The following CLEC2D variants were observed in gnomAD, a reference collection of about 807,000 sequenced individuals.
The protein encoded by CLEC2D is C-type lectin domain family 2 member D, also known as C-type lectin related f.
In CLEC2D, 16 loss-of-function variants were observed where a neutral mutation model predicts 20.0. That is an observed-to-expected ratio of 0.80 (90% CI 0.54 to 1.22). The LOEUF is 1.22. Among genes scored for constraint, CLEC2D ranks in the 50% most tolerant of loss-of-function variants. The pLI, the probability that CLEC2D is intolerant of heterozygous loss-of-function variation, is 0.00. For missense variants in CLEC2D, 207 were observed against 221.5 expected (o/e 0.93, Z 0.42); for synonymous variants, 77 against 71.1 (o/e 1.08, Z -0.42).
Position 9,697,705 on chromosome 12 carries a change from C to T in CLEC2D, c.*2831C>T, listed in dbSNP as rs758157652. The stretch of plus-strand genomic sequence containing the variant: ...AGAAAAAAAATGTTGCATGATCTCA[C>T]TTATAGTGAAACTTAAAAAAAAAAC... On this transcript the variant is annotated 3_prime_UTR_variant, in exon 5 of 5. Transcript: ENST00000290855. 21 of 123,040 alleles carry T rather than the reference C, an allele frequency of 1.7e-4. No homozygotes were observed. The highest frequency in any genetic ancestry group is 5.9e-4 in the African/African-American group (18 of 30,342). 7.6% of individuals were successfully genotyped at this position (123,040 alleles called of 1,614,324 possible). A position where few individuals can be genotyped will look rare whatever the true frequency, so the allele number is the denominator to read the frequency against.
intron 2 of CLEC2D, among the ~76,000 whole-genome samples, chr12:9,684,647 T>A (rs1419962660): frequency 6.6e-6 from 1 of 152,220 alleles, no homozygotes; most frequent in Admixed American, 6.5e-5. Flanking sequence ...ATCATGTGGT[T>A]TTTGTCATTG....
Position 9,696,548 on chromosome 12 carries a change from TAAAAA to T in CLEC2D, c.*1685_*1689del, listed in dbSNP as rs56394007. The T allele has an allele frequency of 6.6e-6, 1 of 152,274 alleles. No homozygotes were observed. Among genetic ancestry groups the T allele is most frequent in the Non-Finnish European group, 1.4e-5 (1 of 71,860 alleles). 9.4% of individuals were successfully genotyped at this position (152,274 alleles called of 1,614,324 possible). A position where few individuals can be genotyped will look rare whatever the true frequency, so the allele number is the denominator to read the frequency against. On this transcript the variant is annotated 3_prime_UTR_variant, in exon 5 of 5. Transcript: ENST00000290855. ...AATAAAACTCAGTATTTTAATAAAGTAAAAAAAAAAAAAAAGGTATGGGGAAAACT... is the reference window on the plus strand; with the variant it reads ...AATAAAACTCAGTATTTTAATAAAGTAAAAAAAAAAGGTATGGGGAAAACT...
Position 9,695,827 on chromosome 12 carries a change from C to T in CLEC2D, c.*953C>T. 2 of 1,155,736 alleles carry T rather than the reference C, an allele frequency of 1.7e-6. No individual in the cohort carries two copies. The highest frequency in any genetic ancestry group is 2.4e-5 in the South Asian group (2 of 81,778). The allele number at this position is 1,155,736 out of a possible 1,614,324, so 71.6% of individuals were successfully genotyped here. A position where few individuals can be genotyped will look rare whatever the true frequency, so the allele number is the denominator to read the frequency against. ...AAAGCAGTCTGCCCCTGGAGGTGGG[C>T]AGAAAAAAGTAAAACTTGCTGCTGC... On this transcript the variant is annotated 3_prime_UTR_variant, in exon 5 of 5. Coordinates refer to ENST00000290855, the MANE Select transcript of CLEC2D (RefSeq NM_013269.6).
rs749094486 is a variant in CLEC2D, at chr12:9,696,081, A to G, written c.*1207A>G. ...CACCAAAAGGATCTAGTTCTGTAGA[A>G]GACATTAAAGCAAAAATGCAAGCAA... On this transcript the variant is annotated 3_prime_UTR_variant, in exon 5 of 5. Coordinates refer to ENST00000290855, the MANE Select transcript of CLEC2D (RefSeq NM_013269.6). 14 of 1,165,870 alleles carry G rather than the reference A, an allele frequency of 1.2e-5. No homozygotes were observed. The East Asian group carries it at 2.3e-4, about 19-fold the overall frequency. The allele number at this position is 1,165,870 out of a possible 1,614,324, so 72.2% of individuals were successfully genotyped here. A position where few individuals can be genotyped will look rare whatever the true frequency, so the allele number is the denominator to read the frequency against.
At chr12:9,670,474 T>C (rs981131095) in intron 1 of CLEC2D, among the ~76,000 whole-genome samples, 1 of 152,226 alleles carries the variant, frequency 6.6e-6, no homozygotes, top group Non-Finnish European at 1.5e-5. Context: ...TGTTGTTAAA[T>C]GACTTCATTT....
Position 9,687,883 on chromosome 12 carries a change from A to G in CLEC2D, c.173-19A>G. ...AAAGTAAGAAATTTTTATTTTATTT[A>G]TTTTTATTTTATTTTCAGCAATAAG... On this transcript the variant is annotated intron_variant, in intron 2 of 4. Transcript: ENST00000290855. 1.4e-6 allele frequency: 2 copies of G among 1,442,654 alleles called. No homozygotes were observed. Among genetic ancestry groups the G allele is most frequent in the South Asian group, 1.5e-5 (1 of 65,634 alleles). The allele number at this position is 1,442,654 out of a possible 1,614,324, so 89.4% of individuals were successfully genotyped here.
chr12:9,686,175 C>T (rs1390227043), intron 2 of CLEC2D, among the ~76,000 whole-genome samples: 1 of 151,780 alleles, frequency 6.6e-6, no homozygotes, highest in Non-Finnish European at 1.5e-5. Context: ...CTGTGGGCTG[C>T]ACCCACTTGT....
In CLEC2D at chr12:9,695,735, C is replaced by T; in HGVS notation, c.*861C>T. On this transcript the variant is annotated 3_prime_UTR_variant, in exon 5 of 5. Transcript: ENST00000290855. ...CATATTAGTGGACAGCACTTAGTAG[C>T]TGTGAAGGAAGGTGCAGAGTCAGAA... 6.8e-7 allele frequency: 1 copy of T among 1,468,106 alleles called. No individual in the cohort carries two copies. Among genetic ancestry groups the T allele is most frequent in the East Asian group, 2.3e-5 (1 of 44,142 alleles). 90.9% of individuals were successfully genotyped at this position (1,468,106 alleles called of 1,614,324 possible). A position where few individuals can be genotyped will look rare whatever the true frequency, so the allele number is the denominator to read the frequency against.
chr12:9,688,309 A>G, intron 3 of CLEC2D: 2 of 826,422 alleles, frequency 2.4e-6, no homozygotes, highest in Non-Finnish European at 3.2e-6. Flanking sequence ...CCAGAGGGCA[A>G]GCAAGCCAGA....
At chr12:9,682,331 T>C in intron 2 of CLEC2D, among the ~76,000 whole-genome samples, 1 of 152,226 alleles carries the variant, frequency 6.6e-6, no homozygotes, top group East Asian at 1.9e-4. Flanking sequence ...GTTATAAAAA[T>C]TCCTAATAGA....
rs774463106 is a variant in CLEC2D at position 9,690,580 on chromosome 12, T to C, written c.358-2248T>C. Among the ~76,000 whole-genome samples, 12 of 152,188 alleles carry C rather than the reference T, an allele frequency of 7.9e-5. 1 individual carries two copies. Among genetic ancestry groups the C allele is most frequent in the Admixed American group, 7.8e-4 (12 of 15,288 alleles). ...ATAAAAATTATAAATATGATAGTGG[T>C]CATATAATGTATAAAGATGCAATCT... On this transcript the variant is annotated intron_variant, in intron 3 of 4. Coordinates refer to ENST00000290855, the MANE Select transcript of CLEC2D (RefSeq NM_013269.6).
At chr12:9,676,722 C>T (rs1865526465) in intron 1 of CLEC2D, among the ~76,000 whole-genome samples, 1 of 152,138 alleles carries the variant, frequency 6.6e-6, no homozygotes, top group African/African-American at 2.4e-5. Flanking sequence ...GCTCTAACTT[C>T]TAAAACAAAT....
At position 9,696,546 on chromosome 12, in the gene CLEC2D, AGT is replaced by A. The variant is rs1348813426; in HGVS notation, c.*1673_*1674del. The stretch of plus-strand genomic sequence containing the variant: ...GAAATAAAACTCAGTATTTTAATAA[AGT>A]AAAAAAAAAAAAAAAGGTATGGGGA... On this transcript the variant is annotated 3_prime_UTR_variant, in exon 5 of 5. Transcript: ENST00000290855. The A allele has an allele frequency of 2.2e-4, 10 of 44,934 alleles. No individual in the cohort carries two copies. The highest frequency in any genetic ancestry group is 3.0e-4 in the East Asian group (1 of 3,334). The allele number at this position is 44,934 out of a possible 1,614,324, so 2.8% of individuals were successfully genotyped here.
chr12:9,690,032 T>C, intron 3 of CLEC2D, among the ~76,000 whole-genome samples: 1 of 150,766 alleles, frequency 6.6e-6, no homozygotes, highest in Non-Finnish European at 1.5e-5. Flanking sequence ...TCCAAAAGGG[T>C]AAACTTAAAG....
chr12:9,670,740 C>G (rs991064206), intron 1 of CLEC2D, among the ~76,000 whole-genome samples: 2 of 152,186 alleles, frequency 1.3e-5, no homozygotes, highest in Non-Finnish European at 2.9e-5. Context: ...AGCAATCACC[C>G]TGGTGAGATG....
intron 1 of CLEC2D, among the ~76,000 whole-genome samples, chr12:9,679,807 C>G (rs1865597911): frequency 4.6e-5 from 7 of 152,130 alleles, no homozygotes. Flanking sequence ...AAGGACAAAC[C>G]TAGATAAATT....
chr12:9,677,756 G>T (rs962137298), intron 1 of CLEC2D, among the ~76,000 whole-genome samples: 1 of 134,634 alleles, frequency 7.4e-6, no homozygotes, highest in African/African-American at 2.8e-5. Flanking sequence ...ACAGAGTCTC[G>T]CTCTGTCACC....
rs1270030072 is a variant in CLEC2D at position 9,696,364 on chromosome 12, C to T, written c.*1490C>T. On this transcript the variant is annotated 3_prime_UTR_variant, in exon 5 of 5. Transcript: ENST00000290855. ...ATGTTTGATAAATGTTGTCCAGGTTCTATTGCCAAGAATGTGTTGTCCAAA... is the reference window on the plus strand; with the variant it reads ...ATGTTTGATAAATGTTGTCCAGGTTTTATTGCCAAGAATGTGTTGTCCAAA... 9.7e-6 allele frequency: 5 copies of T among 513,636 alleles called. No individual in the cohort carries two copies. Among genetic ancestry groups the T allele is most frequent in the Non-Finnish European group, 1.8e-5 (5 of 281,796 alleles). 31.8% of individuals were successfully genotyped at this position (513,636 alleles called of 1,614,324 possible). A position where few individuals can be genotyped will look rare whatever the true frequency, so the allele number is the denominator to read the frequency against.
chr12:9,693,014 T>TA (rs772561684), intron 4 of CLEC2D, 83 bp downstream of exon 4: 10 of 1,609,268 alleles, frequency 6.2e-6, no homozygotes, highest in Middle Eastern at 1.6e-4. Flanking sequence ...TTACATGCTT[T>TA]AAAAAATTCT....
Sources: allele counts gnomAD v4.1 joint callset (sites outside exome capture counted in the v4.1 genomes callset), GRCh38; gene constraint gnomAD v4.1.1; transcripts MANE v1.5; gene names NCBI Gene and HGNC (gene_info 2026-07-23, HGNC 2026-07-21).